Variants in DTNA observed in about 807,000 individuals in gnomAD.
DTNA encodes dystrophin-related protein 3.
In DTNA, 43 loss-of-function variants were observed where a neutral mutation model predicts 100.7. That is an observed-to-expected ratio of 0.43 (90% CI 0.33 to 0.55). DTNA has a LOEUF of 0.55. DTNA is among the 20% of genes least tolerant of loss of function. The probability of loss-of-function intolerance (pLI) is 0.04; values close to 1 mark genes in which losing one functional copy is unlikely to be tolerated. For synonymous variants in DTNA, 349 were observed against 347.9 expected, an observed-to-expected ratio of 1.00 and a Z score of -0.04; for missense variants, 798 against 953.9, an observed-to-expected ratio of 0.84 and a Z score of 2.15.
intron 1 of DTNA, among the ~76,000 whole-genome samples, chr18:34,572,056 T>G (rs910487315): frequency 6.6e-6 from 1 of 152,130 alleles, no homozygotes; most frequent in African/African-American, 2.4e-5. Flanking sequence ...GTTATCTTAA[T>G]GCATAATATA....
chr18:34,789,360 T>C (rs902817251), intron 3 of DTNA, among the ~76,000 whole-genome samples: 3 of 152,264 alleles, frequency 2.0e-5, no homozygotes, highest in Non-Finnish European at 2.9e-5. Context: ...TTCCTGATCA[T>C]GTTGCTGTCC....
chr18:34,517,509 A>G lies in DTNA; in HGVS notation c.-2+23995A>G, dbSNP rs759036872. Among the ~76,000 whole-genome samples, 94 of 146,936 alleles carry G rather than the reference A, an allele frequency of 6.4e-4. 1 individual carries two copies. The highest frequency in any genetic ancestry group is 1.2e-3 in the Non-Finnish European group (77 of 66,252). On this transcript the variant is annotated intron_variant, in intron 1 of 19. Transcript: ENST00000283365. ...TGTGTATTTAGGTACATGCAATGTTATCTCATATGTAGCTTTGTATAAATA... is the reference window on the plus strand; with the variant it reads ...TGTGTATTTAGGTACATGCAATGTTGTCTCATATGTAGCTTTGTATAAATA...
chr18:34,693,461 G>A (rs1410556687), intron 1 of DTNA, among the ~76,000 whole-genome samples: 14 of 152,082 alleles, frequency 9.2e-5, no homozygotes, highest in Non-Finnish European at 2.1e-4. Context: ...ACATGTCTGA[G>A]TCTCCTACTA....
rs58409064 is a variant in DTNA at position 34,833,404 on chromosome 18, C to CTGTG, written c.1175+3944_1175+3947dup. ...TACTTTTCCAGAACCCATTGTGTCA[C>CTGTG]TGTGTGTGTGTGTGTGTGTGTGTGT... is the stretch of plus-strand genomic sequence containing the variant. On this transcript the variant is annotated intron_variant, in intron 11 of 22. Transcript: ENST00000444659. 4.7e-3 allele frequency among the ~76,000 whole-genome samples: 677 copies of CTGTG among 144,998 alleles called. 2 individuals are homozygous for CTGTG. The highest frequency in any genetic ancestry group is 0.034 in the East Asian group (168 of 4,924).
intron 1 of DTNA, among the ~76,000 whole-genome samples, chr18:34,544,468 T>C (rs547033423): frequency 1.3e-5 from 2 of 152,172 alleles, no homozygotes; most frequent in South Asian, 4.1e-4. Context: ...GAACTCCCCT[T>C]CAATCTTAAA....
At chr18:34,644,216 G>C (rs1215246202) in intron 1 of DTNA, among the ~76,000 whole-genome samples, 2 of 152,082 alleles carry the variant, frequency 1.3e-5, no homozygotes, top group Non-Finnish European at 1.5e-5. Context: ...TACATATAGA[G>C]AGAGTGAAAC....
At chr18:34,613,651 G>T (rs2054659919) in intron 1 of DTNA, among the ~76,000 whole-genome samples, 1 of 152,338 alleles carries the variant, frequency 6.6e-6, no homozygotes, top group East Asian at 1.9e-4. Context: ...CCTTAAGCCA[G>T]AGCCTAATCC....
At chr18:34,836,392 C>A (rs1204045015) in intron 11 of DTNA, among the ~76,000 whole-genome samples, 1 of 152,136 alleles carries the variant, frequency 6.6e-6, no homozygotes, top group Non-Finnish European at 1.5e-5. Flanking sequence ...GTGGCTCACA[C>A]CTGTAATTCC....
At chr18:34,570,141 T>C (rs2047451145) in intron 1 of DTNA, among the ~76,000 whole-genome samples, 1 of 152,200 alleles carries the variant, frequency 6.6e-6, no homozygotes, top group South Asian at 2.1e-4. Context: ...ACCCTGTGTT[T>C]ACTTCTGTCA....
At chr18:34,550,148 T>G (rs1016551269) in intron 1 of DTNA, among the ~76,000 whole-genome samples, 2 of 152,134 alleles carry the variant, frequency 1.3e-5, no homozygotes, top group African/African-American at 2.4e-5. Flanking sequence ...ACAACCTCAG[T>G]TGGATTAGGC....
chr18:34,810,821 AT>A (rs1367693312), intron 5 of DTNA, among the ~76,000 whole-genome samples: 1 of 152,210 alleles, frequency 6.6e-6, no homozygotes, highest in Admixed American at 6.5e-5. Flanking sequence ...AAATATGTAC[AT>A]TAATTTTTTT....
At chr18:34,586,135 A>G (rs2049111637) in intron 1 of DTNA, among the ~76,000 whole-genome samples, 1 of 152,220 alleles carries the variant, frequency 6.6e-6, no homozygotes, top group Non-Finnish European at 1.5e-5. Context: ...AAAAGGTTCC[A>G]TAGAAAACAA....
intron 1 of DTNA, among the ~76,000 whole-genome samples, chr18:34,675,783 C>T (rs1258627207): frequency 1.3e-5 from 2 of 152,148 alleles, no homozygotes; most frequent in African/African-American, 4.8e-5. Context: ...TACATTCATT[C>T]ATACATCTGT....
intron 1 of DTNA, among the ~76,000 whole-genome samples, chr18:34,700,726 C>G (rs1294017117): frequency 6.6e-6 from 1 of 152,208 alleles, no homozygotes; most frequent in African/African-American, 2.4e-5. Flanking sequence ...GTCTATCCTA[C>G]TATTTCTATA....
Position 34,867,877 on chromosome 18 carries a change from C to G in DTNA, c.1743+3815C>G, listed in dbSNP as rs568807787. Reference sequence around the variant, plus strand: ...CATCTCAGGGGGCCAACAGCGGGTACTGCGGTGTCGGTACCCAAGGACCAG... The same window carrying G: ...CATCTCAGGGGGCCAACAGCGGGTAGTGCGGTGTCGGTACCCAAGGACCAG... On this transcript the variant is annotated intron_variant, in intron 17 of 22. Coordinates refer to ENST00000444659, the MANE Select transcript of DTNA (RefSeq NM_001386795.1). 5.8e-5 allele frequency: 57 copies of G among 985,470 alleles called. No homozygotes were observed. In the South Asian group the frequency reaches 2.6e-3, roughly 45 times the overall value. 61.0% of individuals were successfully genotyped at this position (985,470 alleles called of 1,614,324 possible).
At chr18:34,827,444 T>G in intron 9 of DTNA, 149 bp from the exon 10 acceptor site, 2 of 753,826 alleles carry the variant, frequency 2.7e-6, no homozygotes, top group Non-Finnish European at 4.7e-6. Flanking sequence ...ACTTAAGGAA[T>G]TTAATTGGAA....
rs567553530 is a variant in DTNA, at chr18:34,528,525, A to G, written c.-2+35011A>G. ...ATTTTTTTCCGACTTAAATAAGGCT[A>G]AGCAAATGAGGATATACTCCGGATA... is the stretch of plus-strand genomic sequence containing the variant. On this transcript the variant is annotated intron_variant, in intron 1 of 19. Coordinates refer to the DTNA transcript ENST00000283365. 1.1e-4 allele frequency among the ~76,000 whole-genome samples: 16 copies of G among 152,194 alleles called. No individual in the cohort carries two copies. The South Asian group carries it at 3.3e-3, about 32-fold the overall frequency.
At chr18:34,778,152 G>A (rs1011708125) in intron 3 of DTNA, among the ~76,000 whole-genome samples, 3 of 152,146 alleles carry the variant, frequency 2.0e-5, no homozygotes, top group African/African-American at 4.8e-5. Flanking sequence ...GGAGACTTCA[G>A]AATCAACTGG....
rs140634474 is a variant in DTNA at position 34,882,522 on chromosome 18, C to T, written c.2295+321C>T. Among the ~76,000 whole-genome samples, 3,196 of 152,170 alleles carry T rather than the reference C, an allele frequency of 0.021. 38 individuals are homozygous for T. Among genetic ancestry groups the T allele is most frequent in the Admixed American group, 0.029 (447 of 15,292 alleles). On this transcript the variant is annotated intron_variant, in intron 21 of 22. Coordinates refer to ENST00000444659, the MANE Select transcript of DTNA (RefSeq NM_001386795.1). ...TAGCTGGGACTACGGGCATGCACCA[C>T]CACGCCCAGTTAATTTTTGTATTTT... is the stretch of plus-strand genomic sequence containing the variant.
Sources: allele counts gnomAD v4.1 joint callset (sites outside exome capture counted in the v4.1 genomes callset), GRCh38; gene constraint gnomAD v4.1.1; transcripts MANE v1.5; gene names NCBI Gene and HGNC (gene_info 2026-07-23, HGNC 2026-07-21).